The following CAMSAP2 variants were observed in gnomAD, a reference collection of about 807,000 sequenced individuals.
CAMSAP2 encodes calmodulin regulated spectrin associated protein family member 2, also known as calmodulin-regulated spectrin-associated protein 2.
Under a neutral mutation model 146.1 loss-of-function variants are expected in CAMSAP2, and 26 were observed. The ratio of observed to expected loss-of-function variants is 0.18; its 90% CI spans 0.13 to 0.25. The LOEUF (loss-of-function observed/expected upper bound fraction) is 0.25, where lower values mean the gene tolerates loss of function less well. CAMSAP2 is among the 10% of genes least tolerant of loss of function. CAMSAP2 has a pLI of 1.00. For missense variants in CAMSAP2, 1,381 were observed against 1,759.3 expected (o/e 0.78, Z 3.85); for synonymous variants, 499 against 596.6 (o/e 0.84, Z 2.38).
intron 2 of CAMSAP2, among the ~76,000 whole-genome samples, 181 bp from the exon 3 acceptor site, chr1:200,807,195 A>G (rs1043622946): frequency 1.3e-5 from 2 of 152,208 alleles, no homozygotes; most frequent in East Asian, 1.9e-4. Context: ...TATTTGAACA[A>G]TAAATTAGTT....
At chr1:200,773,439 T>C (rs183913208) in intron 2 of CAMSAP2, among the ~76,000 whole-genome samples, 423 of 152,170 alleles carry the variant, frequency 2.8e-3, no homozygotes, top group African/African-American at 9.4e-3. Flanking sequence ...GTATTTTTAG[T>C]AGAGACGGCG....
In CAMSAP2 at chr1:200,860,109, G is replaced by A. The variant is rs899288914; in HGVS notation, c.*2050G>A. 1 of 152,700 alleles carries A rather than the reference G, an allele frequency of 6.5e-6. No homozygotes were observed. The highest frequency in any genetic ancestry group is 2.4e-5 in the African/African-American group (1 of 41,442). 9.5% of individuals were successfully genotyped at this position (152,700 alleles called of 1,614,324 possible). A position where few individuals can be genotyped will look rare whatever the true frequency, so the allele number is the denominator to read the frequency against. ...TGAATGTCTATAAGGTCTAAAGGTA[G>A]AATGTGAATATTGCCACAGAGTTCA... On this transcript the variant is annotated 3_prime_UTR_variant, in exon 17 of 17. Transcript: ENST00000358823.
At chr1:200,744,561 A>G (rs919120849) in intron 1 of CAMSAP2, among the ~76,000 whole-genome samples, 6 of 152,236 alleles carry the variant, frequency 3.9e-5, no homozygotes, top group Admixed American at 3.3e-4. Flanking sequence ...TAGGGGAGGT[A>G]TGATAAATGT....
Position 200,858,150 on chromosome 1 carries a change from CTTTTA to C in CAMSAP2, c.*94_*98del, listed in dbSNP as rs1667793880. 1 of 1,154,454 alleles carries C rather than the reference CTTTTA, an allele frequency of 8.7e-7. No individual in the cohort carries two copies. The highest frequency in any genetic ancestry group is 1.7e-5 in the South Asian group (1 of 59,834). The allele number at this position is 1,154,454 out of a possible 1,614,324, so 71.5% of individuals were successfully genotyped here. On this transcript the variant is annotated 3_prime_UTR_variant, in exon 17 of 17. Transcript: ENST00000358823. The stretch of plus-strand genomic sequence containing the variant: ...AAAATCTTTCTAATTGCCAACAAGA[CTTTTA>C]TTAATTAAAACTGGACATTAAGCTC...
chr1:200,849,576 C>G lies in CAMSAP2; in HGVS notation c.2807C>G (p.Ser936Cys). The stretch of plus-strand genomic sequence containing the variant: ...AAACAGATTCGAGATTTTAAGCCTT[C>G]TAAGCAGGCAGGCCTGTCATCAGCC... ...PQKQIRDFKP[S>C]KQAGLSSAIA... The change falls in exon 11 of 17, where the codon TCT becomes TGT. Residue 936 changes from serine to cysteine, a missense_variant. Transcript: ENST00000358823. This position sits in a 1 kb window ranked among gnomAD's most constrained non-coding sequence, Gnocchi z 6.3. The G allele has an allele frequency of 6.2e-7, 1 of 1,614,184 alleles. No homozygotes were observed. The highest frequency in any genetic ancestry group is 8.5e-7 in the Non-Finnish European group (1 of 1,180,022).
chr1:200,812,172 T>G (rs1330217033), intron 3 of CAMSAP2, among the ~76,000 whole-genome samples: 1 of 152,220 alleles, frequency 6.6e-6, no homozygotes, highest in Non-Finnish European at 1.5e-5. Flanking sequence ...ATAGTCTATG[T>G]GAGGATAGGT....
intron 4 of CAMSAP2, among the ~76,000 whole-genome samples, chr1:200,817,547 A>G (rs1482982575): frequency 1.3e-5 from 2 of 152,228 alleles, no homozygotes; most frequent in African/African-American, 4.8e-5. Context: ...GTAATCATTC[A>G]GAAACTTTAA....
chr1:200,765,266 G>A (rs973634386), intron 2 of CAMSAP2, among the ~76,000 whole-genome samples: 2 of 150,436 alleles, frequency 1.3e-5, no homozygotes, highest in East Asian at 1.9e-4. Flanking sequence ...TTTTGCTCTT[G>A]TCACCCAAGC....
At chr1:200,754,482 G>C (rs1360836615) in intron 1 of CAMSAP2, among the ~76,000 whole-genome samples, 2 of 150,484 alleles carry the variant, frequency 1.3e-5, no homozygotes, top group African/African-American at 2.4e-5. Context: ...TTAGAATCCA[G>C]TAATGATCTT....
intron 4 of CAMSAP2, among the ~76,000 whole-genome samples, chr1:200,829,149 G>A (rs184544539): frequency 4.6e-4 from 70 of 152,132 alleles, no homozygotes; most frequent in Admixed American, 2.7e-3. Context: ...GAGTGAAACC[G>A]TCTCAAAAAC....
chr1:200,818,286 CAAAT>C (rs955868092), intron 4 of CAMSAP2, among the ~76,000 whole-genome samples: 13 of 152,124 alleles, frequency 8.5e-5, no homozygotes, highest in East Asian at 1.9e-4. Flanking sequence ...TTCAAACAAT[CAAAT>C]AAAGTGATCT....
chr1:200,750,378 GATC>G (rs1471476361), intron 1 of CAMSAP2, among the ~76,000 whole-genome samples: 3 of 152,278 alleles, frequency 2.0e-5, no homozygotes, highest in Admixed American at 6.5e-5. Context: ...AACACTGAAA[GATC>G]ATCAAGTTTG....
rs143913662 is a variant in CAMSAP2, at chr1:200,816,708, A to G, written c.645+1064A>G. On this transcript the variant is annotated intron_variant, in intron 4 of 16. Coordinates refer to ENST00000358823, the MANE Select transcript of CAMSAP2 (RefSeq NM_203459.4). The stretch of plus-strand genomic sequence containing the variant: ...TATGTACATGCACACATATATGTGT[A>G]TATATACACACGCACATATATGTGT... 1.6e-4 allele frequency among the ~76,000 whole-genome samples: 19 copies of G among 120,296 alleles called. 4 individuals carry two copies. The highest frequency in any genetic ancestry group is 1.1e-3 in the South Asian group (4 of 3,784). 78.9% of individuals were successfully genotyped at this position (120,296 alleles called of 152,430 possible).
intron 3 of CAMSAP2, among the ~76,000 whole-genome samples, chr1:200,808,809 T>G (rs985646833): frequency 2.0e-5 from 3 of 152,236 alleles, no homozygotes; most frequent in African/African-American, 7.2e-5. Flanking sequence ...AGCCTATTAA[T>G]TTCTCACAAT....
intron 14 of CAMSAP2, among the ~76,000 whole-genome samples, chr1:200,855,659 C>A (rs143740755): frequency 3.3e-5 from 5 of 151,816 alleles, no homozygotes; most frequent in Non-Finnish European, 7.4e-5. Flanking sequence ...TGCAGTGACA[C>A]GATCTCGGCT....
chr1:200,853,155 C>T lies in CAMSAP2; in HGVS notation c.3603-120C>T. 1.2e-6 allele frequency: 1 copy of T among 853,932 alleles called. No homozygotes were observed. The highest frequency in any genetic ancestry group is 1.7e-5 in the South Asian group (1 of 57,436). 52.9% of individuals were successfully genotyped at this position (853,932 alleles called of 1,614,324 possible). A position where few individuals can be genotyped will look rare whatever the true frequency, so the allele number is the denominator to read the frequency against. The stretch of plus-strand genomic sequence containing the variant: ...AATCGTCAAGTACCTTTTAAATGAA[C>T]CATTTATTCACCAAGGTGATGAAAT... On this transcript the variant is annotated intron_variant, in intron 12 of 16. Coordinates refer to ENST00000358823, the MANE Select transcript of CAMSAP2 (RefSeq NM_203459.4). The surrounding 1 kb of genome is among the most constrained non-coding windows in gnomAD (Gnocchi z 5.1).
At chr1:200,837,380 TC>T (rs1667210966) in intron 6 of CAMSAP2, among the ~76,000 whole-genome samples, 2 of 152,286 alleles carry the variant, frequency 1.3e-5, no homozygotes, top group East Asian at 3.9e-4. Flanking sequence ...GTCAGCTTTT[TC>T]AAAGATCAGA....
At position 200,816,608 on chromosome 1, in the gene CAMSAP2, AT is replaced by A. The variant is rs756647203; in HGVS notation, c.645+965del. ...AAACTTCATCTCAAAAAAAAAAAAT[AT>A]ATATATATATATATATGTATATATA... On this transcript the variant is annotated intron_variant, in intron 4 of 16. Transcript: ENST00000358823. Among the ~76,000 whole-genome samples, 788 of 86,910 alleles carry A rather than the reference AT, an allele frequency of 9.1e-3. 9 individuals carry two copies. Among genetic ancestry groups the A allele is most frequent in the African/African-American group, 0.024 (592 of 24,592 alleles). 57.0% of individuals were successfully genotyped at this position (86,910 alleles called of 152,430 possible).
At chr1:200,749,660 A>G (rs1007344007) in intron 1 of CAMSAP2, among the ~76,000 whole-genome samples, 2 of 152,192 alleles carry the variant, frequency 1.3e-5, no homozygotes, top group African/African-American at 4.8e-5. Context: ...CTAGCTCCTT[A>G]TCTATACTTA....
Sources: gnomAD v4.1 joint callset for allele counts (sites outside exome capture counted in the v4.1 genomes callset) on GRCh38, gnomAD v4.1.1 for gene constraint, Gnocchi (gnomAD v3.1) non-coding constraint, MANE v1.5 for transcripts, NCBI Gene and HGNC (gene_info 2026-07-23, HGNC 2026-07-21) for gene names.